The following DIAPH3 variants were observed in gnomAD, a reference collection of about 807,000 sequenced individuals.
DIAPH3 encodes diaphanous related formin 3.
DIAPH3 carries 117 observed loss-of-function variants against 144.3 expected under a neutral mutation model. The ratio of observed to expected loss-of-function variants is 0.81; its 90% confidence interval spans 0.70 to 0.95. DIAPH3 has a LOEUF of 0.95. DIAPH3 is among the 40% of genes least tolerant of loss of function. DIAPH3 has a pLI of 0.00. For synonymous variants in DIAPH3, 519 were observed against 488.9 expected (o/e 1.06, Z -0.81); for missense variants, 1,421 against 1,412.7 (o/e 1.01, Z -0.09).
chr13:59,876,357 A>G (rs1360608721), intron 21 of DIAPH3, among the ~76,000 whole-genome samples: 1 of 152,222 alleles, frequency 6.6e-6, no homozygotes, highest in Non-Finnish European at 1.5e-5. Context: ...GGCTCCTAAG[A>G]GGGATGATCA....
At chr13:59,841,073 G>A (rs1593627586) in intron 22 of DIAPH3, among the ~76,000 whole-genome samples, 2 of 152,000 alleles carry the variant, frequency 1.3e-5, no homozygotes, top group East Asian at 3.9e-4. Context: ...TATTTGATTA[G>A]GCCAATGGTG....
intron 27 of DIAPH3, among the ~76,000 whole-genome samples, chr13:59,669,900 T>C (rs931183979): frequency 1.2e-4 from 18 of 152,194 alleles, no homozygotes; most frequent in African/African-American, 4.3e-4. Context: ...TCTGAAACAG[T>C]TCTTGTCAAG....
intron 4 of DIAPH3, among the ~76,000 whole-genome samples, chr13:60,084,692 G>C (rs1407508872): frequency 6.6e-6 from 1 of 151,966 alleles, no homozygotes; most frequent in Admixed American, 6.6e-5. Context: ...GGACTATTTG[G>C]TTTCCACATC....
intron 3 of DIAPH3, among the ~76,000 whole-genome samples, chr13:60,107,451 T>A (rs1442374989): frequency 6.6e-6 from 1 of 152,104 alleles, no homozygotes; most frequent in Non-Finnish European, 1.5e-5. Context: ...AAATACTGTA[T>A]AATTTAAAAA....
chr13:59,739,490 G>A (rs2036336025), intron 27 of DIAPH3, among the ~76,000 whole-genome samples: 1 of 152,142 alleles, frequency 6.6e-6, no homozygotes, highest in Non-Finnish European at 1.5e-5. Context: ...ACCGGTGCTA[G>A]TAGCATCAGA....
chr13:60,004,564 C>T (rs1265492838), intron 9 of DIAPH3, among the ~76,000 whole-genome samples: 3 of 151,972 alleles, frequency 2.0e-5, no homozygotes, highest in Non-Finnish European at 4.4e-5. Flanking sequence ...AAGCCTTCAA[C>T]AAAATATTTG....
At chr13:59,763,448 G>A (rs9538517) in intron 27 of DIAPH3, among the ~76,000 whole-genome samples, 51,535 of 151,830 alleles carry the variant, frequency 0.34, 9,222 homozygotes, top group African/African-American at 0.44. Context: ...AGGCTCAGGC[G>A]GGAGAATCAT....
rs1367176022 is a variant in DIAPH3, at chr13:59,992,102, A to C, written c.1210T>G (p.Ser404Ala). 1 of 1,612,048 alleles carries C rather than the reference A, an allele frequency of 6.2e-7. No individual in the cohort carries two copies. Among genetic ancestry groups the C allele is most frequent in the Admixed American group, 1.7e-5 (1 of 59,800 alleles). ...EHKEEDLFELSHRLEDIRAEL... is the reference protein window; with the variant it reads ...EHKEEDLFELAHRLEDIRAEL... ...GCTCTAATATCTTCAAGGCGATGGGATAACTCAAACAAATCTTCTTCTTTA... is the reference window on the plus strand; with the variant it reads ...GCTCTAATATCTTCAAGGCGATGGGCTAACTCAAACAAATCTTCTTCTTTA... Residue 404 changes from serine (S) to alanine (A), a missense_variant, in exon 11 of 28, where the codon TCC (serine) becomes GCC (alanine). Physicochemically the swap from Ser to Ala is moderately conservative, Grantham distance 99 (BLOSUM62 1). Coordinates refer to ENST00000400324, the MANE Select transcript of DIAPH3 (RefSeq NM_001042517.2).
At chr13:59,947,275 A>G (rs561955877) in intron 17 of DIAPH3, among the ~76,000 whole-genome samples, 1 of 152,296 alleles carries the variant, frequency 6.6e-6, no homozygotes, top group East Asian at 1.9e-4. Context: ...AATTAGTAAA[A>G]GAGTCACATG....
At chr13:59,784,630 G>A (rs886729922) in intron 25 of DIAPH3, among the ~76,000 whole-genome samples, 7 of 152,098 alleles carry the variant, frequency 4.6e-5, no homozygotes, top group Admixed American at 3.9e-4. Context: ...GCCTGCTTCG[G>A]CCTCCCAAAG....
At chr13:59,888,429 G>C (rs1321662140) in intron 20 of DIAPH3, among the ~76,000 whole-genome samples, 1 of 152,066 alleles carries the variant, frequency 6.6e-6, no homozygotes, top group Non-Finnish European at 1.5e-5. Context: ...TGTTACAGCA[G>C]CCAAAATAGA....
intron 3 of DIAPH3, among the ~76,000 whole-genome samples, chr13:60,104,886 G>A (rs1566777290): frequency 6.6e-6 from 1 of 152,044 alleles, no homozygotes; most frequent in Non-Finnish European, 1.5e-5. Flanking sequence ...ACGAGGTCAG[G>A]AGATCGAGAC....
intron 14 of DIAPH3, among the ~76,000 whole-genome samples, chr13:59,980,385 A>G (rs935198695): frequency 4.0e-5 from 6 of 151,456 alleles, no homozygotes; most frequent in African/African-American, 1.5e-4. Context: ...GATTACATAC[A>G]TTTTGCTCCA....
intron 14 of DIAPH3, among the ~76,000 whole-genome samples, chr13:59,977,324 G>C (rs1392893710): frequency 6.6e-6 from 1 of 151,776 alleles, no homozygotes; most frequent in Non-Finnish European, 1.5e-5. Flanking sequence ...TCAGCGTGTG[G>C]ATGAATGACA....
chr13:59,981,795 T>G lies in DIAPH3; in HGVS notation c.1481-936A>C, dbSNP rs141005688. Among the ~76,000 whole-genome samples, 5 of 151,624 alleles carry G rather than the reference T, an allele frequency of 3.3e-5. No individual in the cohort carries two copies. The East Asian group carries it at 9.7e-4, about 29-fold the overall frequency. ...TCTTATTACCATTTCTATACTAGAT[T>G]ATTTTGGTGGTTAGTTTCTTAACTG... On this transcript the variant is annotated intron_variant, in intron 13 of 27. Coordinates refer to ENST00000400324, the MANE Select transcript of DIAPH3 (RefSeq NM_001042517.2).
At chr13:59,935,192 C>T (rs998024923) in intron 17 of DIAPH3, among the ~76,000 whole-genome samples, 2 of 152,184 alleles carry the variant, frequency 1.3e-5, no homozygotes, top group Non-Finnish European at 2.9e-5. Flanking sequence ...GCAAGGTCAA[C>T]TGCAGGCTGG....
At chr13:59,972,526 A>G (rs2050445915) in intron 15 of DIAPH3, among the ~76,000 whole-genome samples, 1 of 152,178 alleles carries the variant, frequency 6.6e-6, no homozygotes, top group Non-Finnish European at 1.5e-5. Context: ...CTCGAAATCA[A>G]TGACGTCTGA....
At chr13:60,108,675 G>A (rs985139381) in intron 3 of DIAPH3, among the ~76,000 whole-genome samples, 2 of 152,018 alleles carry the variant, frequency 1.3e-5, no homozygotes, top group Admixed American at 1.3e-4. Flanking sequence ...GAGATAAATG[G>A]CAGAGAACAC....
intron 27 of DIAPH3, among the ~76,000 whole-genome samples, chr13:59,668,192 T>C (rs568229000): frequency 3.9e-5 from 6 of 152,362 alleles, no homozygotes; most frequent in East Asian, 3.9e-4. Flanking sequence ...AATGTACATA[T>C]TGTGTTTGCC....
Sources: allele counts gnomAD v4.1 joint callset (sites outside exome capture counted in the v4.1 genomes callset), GRCh38; gene constraint gnomAD v4.1.1; transcripts MANE v1.5; gene names NCBI Gene and HGNC (gene_info 2026-07-23, HGNC 2026-07-21).